The following SELENBP1 variants were observed in gnomAD, a reference collection of about 807,000 sequenced individuals.
SELENBP1 encodes methanethiol oxidase.
In SELENBP1, 71 loss-of-function variants were observed where a neutral mutation model predicts 61.0. That is an observed-to-expected ratio of 1.16 (90% confidence interval 0.96 to 1.42). The LOEUF (loss-of-function observed/expected upper bound fraction) is 1.42, where lower values mean the gene tolerates loss of function less well. Ranked by LOEUF, SELENBP1 falls within the 40% of genes most tolerant of loss-of-function variation. The pLI is 0.00. For synonymous variants in SELENBP1, 270 were observed against 238.9 expected (o/e 1.13, Z -1.20); for missense variants, 561 against 605.0 (o/e 0.93, Z 0.76).
chr1:151,366,508 G>T, intron 6 of SELENBP1, 55 bp from the exon 7 acceptor site: 1 of 1,576,542 alleles, frequency 6.3e-7, no homozygotes, highest in Non-Finnish European at 8.7e-7. Flanking sequence ...TGGAAGGCAT[G>T]GGCAAAGACT....
intron 1 of SELENBP1, among the ~76,000 whole-genome samples, chr1:151,372,158 C>T (rs1186804759): frequency 1.3e-5 from 2 of 151,718 alleles, no homozygotes; most frequent in Non-Finnish European, 2.9e-5. Flanking sequence ...GTGTGGGGGT[C>T]TCTGATTTCC....
rs1001789655 is a variant in SELENBP1, at chr1:151,366,011, G to T, written c.844-165C>A. 6.4e-6 allele frequency: 5 copies of T among 778,284 alleles called. 1 individual carries two copies. The highest frequency in any genetic ancestry group is 3.5e-5 in the South Asian group (2 of 57,102). The allele number at this position is 778,284 out of a possible 1,614,324, so 48.2% of individuals were successfully genotyped here. ...TCCATGCAAGCCCCTTGAGGCAGGGGTTGTGTCTGCTTCACCACTGCATTC... is the reference window on the plus strand; with the variant it reads ...TCCATGCAAGCCCCTTGAGGCAGGGTTTGTGTCTGCTTCACCACTGCATTC... On this transcript the variant is annotated intron_variant, in intron 7 of 11. Coordinates refer to ENST00000368868, the MANE Select transcript of SELENBP1 (RefSeq NM_003944.4).
In SELENBP1 at chr1:151,369,171, T is replaced by A; in HGVS notation, c.193A>T (p.Met65Leu). The A allele has an allele frequency of 6.2e-7, 1 of 1,611,710 alleles. No individual in the cohort carries two copies. The highest frequency in any genetic ancestry group is 8.5e-7 in the Non-Finnish European group (1 of 1,178,216). ...QYCQVIHRLP[M>L]PNLKDELHHS... ...TGCAGCTCGTCCTTCAGGTTGGGCA[T>A]GGGCAGCCGGTGGATGACCTAGGAT... Residue 65 changes from methionine to leucine, a missense_variant, in exon 4 of 12, where the codon ATG becomes TTG. Coordinates refer to ENST00000368868, the MANE Select transcript of SELENBP1 (RefSeq NM_003944.4).
chr1:151,366,840 AC>A lies in SELENBP1; in HGVS notation c.545del (p.Gly182ValfsTer18). On this transcript the variant is annotated frameshift_variant, in exon 6 of 12. Coordinates refer to ENST00000368868, the MANE Select transcript of SELENBP1 (RefSeq NM_003944.4). LOFTEE classifies it high-confidence loss of function. ...EVKGTWERPG[G>X]AAPLGYDFWY... is the part of the protein sequence containing the mutation. Reference sequence around the variant, plus strand: ...AGAAGTCATAGCCCAACGGTGCAGCACCCCCAGGTCTCTCCCATGTCCCCTT... The same window carrying A: ...AGAAGTCATAGCCCAACGGTGCAGCACCCCAGGTCTCTCCCATGTCCCCTT... The A allele has an allele frequency of 5.0e-6, 8 of 1,613,958 alleles. No homozygotes were observed. Among genetic ancestry groups the A allele is most frequent in the Non-Finnish European group, 6.8e-6 (8 of 1,180,002 alleles).
Position 151,372,697 on chromosome 1 carries a change from C to T in SELENBP1, c.-56G>A, listed in dbSNP as rs370549770. The T allele has an allele frequency of 5.7e-5, 92 of 1,613,634 alleles. No individual in the cohort carries two copies. The highest frequency in any genetic ancestry group is 7.4e-5 in the Non-Finnish European group (87 of 1,179,824). On this transcript the variant is annotated 5_prime_UTR_variant, in exon 1 of 12. Coordinates refer to ENST00000368868, the MANE Select transcript of SELENBP1 (RefSeq NM_003944.4). ...GGTTTGCTGTGCTGGTGTCAGAGGC[C>T]GCTGTTCCGGGGAAGGAGCGAAGGG...
chr1:151,365,810 G>T lies in SELENBP1; in HGVS notation c.880C>A (p.Pro294Thr), dbSNP rs539688714. ...AGCCAGCCCTTCACTTTCTTGGGGG[G>T]CACCTGGATCACCTTCTCCACTGAC... ...TWSVEKVIQV[P>T]PKKVKGWLLP... is the part of the protein sequence containing the mutation. Residue 294 changes from proline (P) to threonine (T), a missense_variant, in exon 8 of 12, where the codon CCC becomes ACC. Coordinates refer to ENST00000368868, the MANE Select transcript of SELENBP1 (RefSeq NM_003944.4). 6.2e-7 allele frequency: 1 copy of T among 1,614,150 alleles called. No individual in the cohort carries two copies. The highest frequency in any genetic ancestry group is 8.5e-7 in the Non-Finnish European group (1 of 1,180,022).
At chr1:151,365,473 A>T (rs190259138) in intron 9 of SELENBP1, 90 bp downstream of exon 9, 1 of 1,590,822 alleles carries the variant, frequency 6.3e-7, no homozygotes, top group East Asian at 2.2e-5. Flanking sequence ...CTCCCTCAAC[A>T]TCCTGCAGCT....
chr1:151,370,332 G>A (rs1652080095), intron 1 of SELENBP1: 1 of 177,124 alleles, frequency 5.6e-6, no homozygotes, highest in Non-Finnish European at 1.3e-5. Context: ...CCTTCACCAA[G>A]ATGCTTCTAT....
At chr1:151,365,160 G>A (rs765518580) in intron 10 of SELENBP1, 29 bp downstream of exon 10, 6 of 1,603,318 alleles carry the variant, frequency 3.7e-6, no homozygotes, top group East Asian at 2.2e-5. Flanking sequence ...GGTCTGAGGG[G>A]TCCAGCAAGT....
At chr1:151,368,175 T>A (rs754003045) in intron 5 of SELENBP1, 24 bp downstream of exon 5, 25 of 1,604,916 alleles carry the variant, frequency 1.6e-5, no homozygotes, top group Admixed American at 6.7e-5. Context: ...GAAGTTTTCA[T>A]GAGCACACAG....
In SELENBP1 at chr1:151,364,942, A is replaced by G; in HGVS notation, c.1240T>C (p.Tyr414His). 6.2e-7 allele frequency: 1 copy of G among 1,613,956 alleles called. No individual in the cohort carries two copies. ...SLYSAWDKQF[Y>H]PDLIREGSVM... ...GCTTCTCACCTGATGAGATCAGGGT[A>G]AAACTGCTTGTCCCAGGCACTGTAC... The change falls in exon 11 of 12, where the codon TAC becomes CAC. Residue 414 changes from tyrosine to histidine, a missense_variant. Physicochemically the swap from Tyr to His is moderately conservative, Grantham distance 83 (BLOSUM62 2). Transcript: ENST00000368868.
intron 5 of SELENBP1, 94 bp downstream of exon 5, chr1:151,368,105 A>G (rs1651949970): frequency 6.6e-7 from 1 of 1,520,374 alleles, no homozygotes; most frequent in Non-Finnish European, 9.0e-7. Context: ...AGTCATTCCA[A>G]CCCTCCCCTT....
intron 5 of SELENBP1, chr1:151,367,355 A>AAAAAAAAAAAAAAGAAAAAAGAAAAG (rs966572769): frequency 2.0e-5 from 1 of 49,248 alleles, no homozygotes; most frequent in African/African-American, 8.1e-5. Context: ...AAAAAAAAAA[A>AAAAAAAAAAAAAAGAAAAAAGAAAAG]AAAAAGAGAA....
At chr1:151,370,164 A>G in intron 1 of SELENBP1, 2 of 496,140 alleles carry the variant, frequency 4.0e-6, no homozygotes, top group Non-Finnish European at 7.2e-6. Context: ...ATCCTCTGTA[A>G]AATGGAGATG....
intron 5 of SELENBP1, chr1:151,367,355 A>AAAAAAAAAAGAAAAAAAAAAAAGAAAAG (rs966572769): frequency 2.0e-5 from 1 of 49,264 alleles, no homozygotes; most frequent in African/African-American, 8.1e-5. Flanking sequence ...AAAAAAAAAA[A>AAAAAAAAAAGAAAAAAAAAAAAGAAAAG]AAAAAGAGAA....
chr1:151,372,547 A>G, intron 1 of SELENBP1, 91 bp downstream of exon 1: 1 of 1,541,974 alleles, frequency 6.5e-7, no homozygotes. Flanking sequence ...CCAGCTCCCC[A>G]CTCAGGTTTT....
Position 151,366,365 on chromosome 1 carries a change from CA to C in SELENBP1, c.752del (p.Leu251TrpfsTer40). ...TLSLKDGLIP[L>X]EIRFLHNPDA... Reference sequence around the variant, plus strand: ...CTGGGTTGTGCAGGAAGCGGATCTCCAAGGGAATAAGCCCATCTTTTAGAGA... The same window carrying C: ...CTGGGTTGTGCAGGAAGCGGATCTCCAGGGAATAAGCCCATCTTTTAGAGA... On this transcript the variant is annotated frameshift_variant, in exon 7 of 12. Transcript: ENST00000368868. LOFTEE classifies it high-confidence loss of function. The C allele has an allele frequency of 1.2e-6, 2 of 1,614,148 alleles. No individual in the cohort carries two copies. Among genetic ancestry groups the C allele is most frequent in the Non-Finnish European group, 1.7e-6 (2 of 1,180,030 alleles).
intron 1 of SELENBP1, 133 bp from the exon 2 acceptor site, chr1:151,369,902 C>T: frequency 6.5e-7 from 1 of 1,547,006 alleles, no homozygotes; most frequent in South Asian, 1.2e-5. Context: ...AGCCTCATCG[C>T]TCTGGCCTGT....
chr1:151,368,247 C>T lies in SELENBP1; in HGVS notation c.433G>A (p.Gly145Arg), dbSNP rs201938060. 34 of 1,614,130 alleles carry T rather than the reference C, an allele frequency of 2.1e-5. No homozygotes were observed. In the East Asian group the frequency reaches 5.8e-4, roughly 28 times the overall value. Residue 145 changes from glycine (G) to arginine (R), a missense_variant, in exon 5 of 12, where the codon GGG becomes AGG. By Grantham distance (125) the Gly-to-Arg change is moderately radical. Transcript: ENST00000368868. ...CCCAGGGAGCTGATCATCACTTCCC[C>T]GCTGGCCAGGCAGTGGCTGGTGTGG... is the stretch of plus-strand genomic sequence containing the variant. ...FLHTSHCLAS[G>R]EVMISSLGDV...
Sources: gnomAD v4.1 joint callset for allele counts (sites outside exome capture counted in the v4.1 genomes callset) on GRCh38, gnomAD v4.1.1 for gene constraint, MANE v1.5 for transcripts, NCBI Gene and HGNC (gene_info 2026-07-23, HGNC 2026-07-21) for gene names.